TRPC4AP: variants seen among roughly 807,000 people sequenced by gnomAD.
TRPC4AP encodes short transient receptor potential channel 4-associated protein.
TRPC4AP carries 45 observed loss-of-function variants against 99.0 expected under a neutral mutation model. That is an observed-to-expected ratio of 0.45 (90% CI 0.36 to 0.58). TRPC4AP has a LOEUF of 0.58. Among genes scored for constraint, TRPC4AP ranks in the 20% least tolerant of loss-of-function variants. TRPC4AP has a pLI of 0.00. For synonymous variants in TRPC4AP, 408 were observed against 385.8 expected (o/e 1.06, Z -0.67); for missense variants, 879 against 985.3 (o/e 0.89, Z 1.44).
At chr20:35,081,191 T>TA (rs1351781782) in intron 1 of TRPC4AP, among the ~76,000 whole-genome samples, 1 of 152,152 alleles carries the variant, frequency 6.6e-6, no homozygotes, top group Admixed American at 6.6e-5. Context: ...TTACATTAAA[T>TA]CTAAATATGC....
chr20:35,011,681 A>G (rs1003058497), intron 11 of TRPC4AP, among the ~76,000 whole-genome samples: 3 of 152,194 alleles, frequency 2.0e-5, no homozygotes, highest in African/African-American at 4.8e-5. Context: ...CCCAGCCCAG[A>G]GCCAAGCCCA....
intron 18 of TRPC4AP, 46 bp downstream of exon 18, chr20:35,003,364 T>G (rs1395559975): frequency 1.2e-6 from 2 of 1,606,508 alleles, no homozygotes; most frequent in Non-Finnish European, 1.7e-6. Context: ...TGAGAGGCCC[T>G]GGGTCCGCGG....
Position 35,026,604 on chromosome 20 carries a change from C to CT in TRPC4AP, c.1052-5249dup, listed in dbSNP as rs1245235694. 5.3e-5 allele frequency among the ~76,000 whole-genome samples: 8 copies of CT among 152,278 alleles called. No individual in the cohort carries two copies. The South Asian group carries it at 1.5e-3, about 28-fold the overall frequency. ...TACTCCATTTGTGCAAAGTAGTCAG[C>CT]TGAGAGTTATGACAGAAATTGTGTT... On this transcript the variant is annotated intron_variant, in intron 8 of 18. Coordinates refer to ENST00000252015, the MANE Select transcript of TRPC4AP (RefSeq NM_015638.3).
chr20:35,013,753 T>C (rs2082689726), intron 10 of TRPC4AP, among the ~76,000 whole-genome samples: 3 of 152,144 alleles, frequency 2.0e-5, no homozygotes, highest in Non-Finnish European at 4.4e-5. Flanking sequence ...ACACTAAGGC[T>C]TGGGTTTTAA....
chr20:35,004,493 G>A lies in TRPC4AP; in HGVS notation c.2014C>T (p.Leu672Phe). Residue 672 changes from leucine (L) to phenylalanine (F), a missense_variant, in exon 17 of 19, where the codon CTC (leucine) becomes TTC (phenylalanine). Around this residue, in one of 3 missense-constraint regions of TRPC4AP, gnomAD observed 224 missense variants for 264.7 expected, o/e 0.85. Coordinates refer to ENST00000252015, the MANE Select transcript of TRPC4AP (RefSeq NM_015638.3). ...VPTQMSFLFRLINIIHVQTLT... is the reference protein window; with the variant it reads ...VPTQMSFLFRFINIIHVQTLT... The stretch of plus-strand genomic sequence containing the variant: ...GTCTGCACGTGGATGATGTTGATGA[G>A]GCGGAAGAGGAAGGACATCTGCGTG... 6.2e-7 allele frequency: 1 copy of A among 1,614,110 alleles called. No homozygotes were observed. Among genetic ancestry groups the A allele is most frequent in the Non-Finnish European group, 8.5e-7 (1 of 1,179,980 alleles).
rs1195105563 is a variant in TRPC4AP, at chr20:35,039,487, T to C, written c.866-4179A>G. On this transcript the variant is annotated intron_variant, in intron 7 of 18. Coordinates refer to ENST00000252015, the MANE Select transcript of TRPC4AP (RefSeq NM_015638.3). ...CTTGTAATTCTCACAGCTTTATCAGTAGCTACCACACCTGGCTGGTTAATG... is the reference window on the plus strand; with the variant it reads ...CTTGTAATTCTCACAGCTTTATCAGCAGCTACCACACCTGGCTGGTTAATG... 3.3e-5 allele frequency among the ~76,000 whole-genome samples: 5 copies of C among 152,246 alleles called. No homozygotes were observed. In the East Asian group the frequency reaches 7.7e-4, roughly 23 times the overall value.
chr20:35,017,904 G>A (rs6120795), intron 9 of TRPC4AP, among the ~76,000 whole-genome samples: 1 of 152,212 alleles, frequency 6.6e-6, no homozygotes, highest in Admixed American at 6.5e-5. Context: ...GTTAGACTGA[G>A]GCTGATGTAA....
chr20:35,086,431 ATGTGTG>A (rs150231202), intron 1 of TRPC4AP, among the ~76,000 whole-genome samples: 32,607 of 108,710 alleles, frequency 0.3, 6,298 homozygotes, highest in Admixed American at 0.48. Context: ...TGAATGGCAT[ATGTGTG>A]TGTGTGTGTG....
intron 13 of TRPC4AP, 96 bp from the exon 14 acceptor site, chr20:35,007,736 T>G: frequency 8.0e-7 from 1 of 1,252,770 alleles, no homozygotes; most frequent in Non-Finnish European, 1.2e-6. Flanking sequence ...TGCCTTTTCA[T>G]GTACTCAACA....
At chr20:35,070,920 GTACT>G (rs1280033811) in intron 2 of TRPC4AP, among the ~76,000 whole-genome samples, 6 of 152,096 alleles carry the variant, frequency 3.9e-5, no homozygotes, top group African/African-American at 1.4e-4. Context: ...TTTCAAATAA[GTACT>G]TACTTAATGA....
intron 1 of TRPC4AP, among the ~76,000 whole-genome samples, chr20:35,087,772 A>G (rs1311599680): frequency 2.6e-5 from 4 of 152,204 alleles, no homozygotes; most frequent in Non-Finnish European, 5.9e-5. Context: ...TCACCCCAGC[A>G]TATTTTATTG....
intron 10 of TRPC4AP, among the ~76,000 whole-genome samples, chr20:35,015,653 G>GC (rs2082737869): frequency 1.3e-5 from 2 of 150,906 alleles, no homozygotes; most frequent in Non-Finnish European, 3.0e-5. Context: ...AGTGAGAGAC[G>GC]CAAGTGTCTC....
At chr20:35,060,461 T>C (rs1224983203) in intron 3 of TRPC4AP, among the ~76,000 whole-genome samples, 1 of 151,618 alleles carries the variant, frequency 6.6e-6, no homozygotes, top group East Asian at 1.9e-4. Flanking sequence ...CATGGTAGCA[T>C]GCTCCTGTAG....
intron 9 of TRPC4AP, among the ~76,000 whole-genome samples, chr20:35,016,908 T>C (rs575618926): frequency 6.6e-6 from 1 of 152,360 alleles, no homozygotes; most frequent in Non-Finnish European, 1.5e-5. Context: ...TAAGACCGTG[T>C]TGGTGACTTG....
At chr20:35,075,941 G>A (rs942615331) in intron 2 of TRPC4AP, among the ~76,000 whole-genome samples, 2 of 152,150 alleles carry the variant, frequency 1.3e-5, no homozygotes, top group African/African-American at 4.8e-5. Flanking sequence ...ATATTTCTTG[G>A]AGGCTTTGTT....
chr20:35,038,104 G>A (rs909064192), intron 7 of TRPC4AP, among the ~76,000 whole-genome samples: 2 of 149,902 alleles, frequency 1.3e-5, no homozygotes, highest in Admixed American at 1.3e-4. Context: ...AATGTGTACG[G>A]CGTTTCCTTT....
chr20:35,041,422 G>C (rs1362885257), intron 7 of TRPC4AP, among the ~76,000 whole-genome samples: 1 of 152,034 alleles, frequency 6.6e-6, no homozygotes, highest in Non-Finnish European at 1.5e-5. Flanking sequence ...CTCATGTGTG[G>C]AACTACAACT....
intron 2 of TRPC4AP, 29 bp downstream of exon 2, chr20:35,078,015 AAT>A: frequency 6.3e-7 from 1 of 1,583,642 alleles, no homozygotes; most frequent in African/African-American, 1.4e-5. Flanking sequence ...AGAGGCCCTG[AAT>A]ACGCCCCTCC....
At chr20:35,058,642 C>G (rs1053060537) in intron 3 of TRPC4AP, among the ~76,000 whole-genome samples, 1 of 149,158 alleles carries the variant, frequency 6.7e-6, no homozygotes, top group South Asian at 2.1e-4. Flanking sequence ...ATGGAGTGCT[C>G]AGAGGGAAAT....
Sources: allele counts gnomAD v4.1 joint callset (sites outside exome capture counted in the v4.1 genomes callset), GRCh38; gene constraint gnomAD v4.1.1; regional missense constraint gnomAD v4.1.1; transcripts MANE v1.5; gene names NCBI Gene and HGNC (gene_info 2026-07-23, HGNC 2026-07-21).